Variants in BCL2 observed in about 807,000 individuals in gnomAD.
BCL2 encodes apoptosis regulator Bcl-2.
In BCL2, 1 loss-of-function variant was observed where a neutral mutation model predicts 14.2. The observed-to-expected ratio is 0.07, with a 90% CI of 0.02 to 0.33. The LOEUF is 0.33. BCL2 is among the 10% of genes least tolerant of loss of function. The pLI, the probability that BCL2 is intolerant of heterozygous loss-of-function variation, is 0.99. For missense variants in BCL2, 247 were observed against 305.9 expected, an observed-to-expected ratio of 0.81 and a Z score of 1.44; for synonymous variants, 151 against 137.2, an observed-to-expected ratio of 1.10 and a Z score of -0.70.
At chr18:63,207,212 G>C (rs1389036910) in intron 2 of BCL2, among the ~76,000 whole-genome samples, 1 of 152,244 alleles carries the variant, frequency 6.6e-6, no homozygotes, top group Non-Finnish European at 1.5e-5. Flanking sequence ...CGGCAGGAGG[G>C]AGCCCAGGAT....
chr18:63,291,121 C>G (rs575094873), intron 2 of BCL2, among the ~76,000 whole-genome samples: 1 of 152,278 alleles, frequency 6.6e-6, no homozygotes, highest in East Asian at 1.9e-4. Flanking sequence ...TTTGAAGGTA[C>G]GCCATCCTTT....
intron 2 of BCL2, among the ~76,000 whole-genome samples, chr18:63,275,194 T>C (rs188749313): frequency 2.2e-4 from 33 of 150,262 alleles, no homozygotes; most frequent in Admixed American, 2.0e-3. Flanking sequence ...GTCACGCCAC[T>C]GCACCACTCC....
chr18:63,206,323 C>T (rs73471351), intron 2 of BCL2, among the ~76,000 whole-genome samples: 3,456 of 152,318 alleles, frequency 0.023, 44 homozygotes, highest in South Asian at 0.055. Flanking sequence ...AGGATAAACA[C>T]AAGTAAGAGT....
intron 2 of BCL2, among the ~76,000 whole-genome samples, chr18:63,289,835 A>G (rs1025414575): frequency 2.0e-5 from 3 of 152,212 alleles, no homozygotes; most frequent in Non-Finnish European, 4.4e-5. Flanking sequence ...CGGAGGTTGC[A>G]GTGAGCCAAG....
intron 2 of BCL2, among the ~76,000 whole-genome samples, chr18:63,225,711 C>T (rs1286014657): frequency 1.3e-5 from 2 of 152,178 alleles, no homozygotes; most frequent in Non-Finnish European, 2.9e-5. Flanking sequence ...CTGCACTCCA[C>T]CCCTCACGGA....
intron 2 of BCL2, among the ~76,000 whole-genome samples, chr18:63,285,565 G>A (rs912879977): frequency 2.6e-5 from 4 of 152,198 alleles, no homozygotes; most frequent in Admixed American, 6.5e-5. Flanking sequence ...GGTCACTGCC[G>A]GGGAGGTACT....
chr18:63,170,326 G>A (rs1308831925), intron 2 of BCL2, among the ~76,000 whole-genome samples: 1 of 152,068 alleles, frequency 6.6e-6, no homozygotes, highest in African/African-American at 2.4e-5. Flanking sequence ...AGAAACTTGG[G>A]TTTTCAATGG....
At chr18:63,291,866 C>T (rs1001975226) in intron 2 of BCL2, among the ~76,000 whole-genome samples, 11 of 152,048 alleles carry the variant, frequency 7.2e-5, no homozygotes, top group Admixed American at 5.2e-4. Context: ...TCTTAGAATC[C>T]TAAACAAAGA....
intron 2 of BCL2, among the ~76,000 whole-genome samples, chr18:63,164,483 T>A (rs1914994916): frequency 6.6e-6 from 1 of 152,198 alleles, no homozygotes; most frequent in South Asian, 2.1e-4. Context: ...ATTATTCCTG[T>A]ATTAGCAGTT....
intron 2 of BCL2, among the ~76,000 whole-genome samples, chr18:63,304,051 G>C (rs925103177): frequency 6.6e-6 from 1 of 152,118 alleles, no homozygotes. Context: ...TAAACTTGTA[G>C]TACTGCTTGA....
chr18:63,177,566 G>A (rs1443831217), intron 2 of BCL2, among the ~76,000 whole-genome samples: 1 of 152,192 alleles, frequency 6.6e-6, no homozygotes, highest in Non-Finnish European at 1.5e-5. Context: ...TGTCCCTGGC[G>A]CGTTTAGACA....
intron 2 of BCL2, among the ~76,000 whole-genome samples, chr18:63,204,016 G>A (rs1190556555): frequency 6.6e-6 from 1 of 152,088 alleles, no homozygotes; most frequent in Non-Finnish European, 1.5e-5. Flanking sequence ...AAAAACACAA[G>A]CTTAAAATAT....
At chr18:63,211,801 G>C (rs1187534170) in intron 2 of BCL2, among the ~76,000 whole-genome samples, 1 of 152,244 alleles carries the variant, frequency 6.6e-6, no homozygotes, top group Non-Finnish European at 1.5e-5. Context: ...GAGGAGCCAT[G>C]CCACGCAAAG....
intron 2 of BCL2, among the ~76,000 whole-genome samples, chr18:63,254,413 G>C (rs1400264469): frequency 1.7e-5 from 1 of 57,482 alleles, no homozygotes; most frequent in Non-Finnish European, 4.4e-5. Flanking sequence ...AAAAAAAGCT[G>C]GGTGTGGTGG....
intron 2 of BCL2, among the ~76,000 whole-genome samples, chr18:63,152,387 T>C (rs563936224): frequency 2.6e-5 from 4 of 152,332 alleles, no homozygotes; most frequent in African/African-American, 7.2e-5. Context: ...TTCTAGGTAT[T>C]TGAAATTTTA....
chr18:63,158,783 T>C (rs1239981055), intron 2 of BCL2, among the ~76,000 whole-genome samples: 1 of 152,240 alleles, frequency 6.6e-6, no homozygotes, highest in Non-Finnish European at 1.5e-5. Flanking sequence ...ATTTAGGCAC[T>C]GGTGAGTCAT....
chr18:63,193,954 G>A (rs1481651914), intron 2 of BCL2, among the ~76,000 whole-genome samples: 1 of 152,152 alleles, frequency 6.6e-6, no homozygotes, highest in Non-Finnish European at 1.5e-5. Flanking sequence ...GGGCTGCTGT[G>A]ATGATTAAAT....
At position 63,247,738 on chromosome 18, in the gene BCL2, C is replaced by A. The variant is rs142397146; in HGVS notation, c.585+70344G>T. On this transcript the variant is annotated intron_variant, in intron 2 of 2. Transcript: ENST00000333681. ...AGGTCAGGAGTGAGGGATGCCCTGT[C>A]ACCAAGCCACCATTCCAGTGCCAAG... is the stretch of plus-strand genomic sequence containing the variant. Among the ~76,000 whole-genome samples the A allele has an allele frequency of 2.3e-4, 35 of 152,268 alleles. 1 individual carries two copies. In the East Asian group the frequency reaches 6.4e-3, roughly 28 times the overall value.
intron 2 of BCL2, among the ~76,000 whole-genome samples, chr18:63,245,573 G>A (rs1002512140): frequency 2.0e-5 from 3 of 152,208 alleles, no homozygotes; most frequent in African/African-American, 7.2e-5. Context: ...GGCGGTGGTG[G>A]TTACAGGAAT....
Sources: allele counts gnomAD v4.1 joint callset (sites outside exome capture counted in the v4.1 genomes callset), GRCh38; gene constraint gnomAD v4.1.1; transcripts MANE v1.5; gene names NCBI Gene and HGNC (gene_info 2026-07-23, HGNC 2026-07-21).